BCL2: variants seen among roughly 807,000 people sequenced by gnomAD.
BCL2 encodes the protein apoptosis regulator Bcl-2.
Under a neutral mutation model 14.2 loss-of-function variants are expected in BCL2, and 1 was observed. That is an observed-to-expected ratio of 0.07 (90% confidence interval 0.02 to 0.33). The LOEUF (loss-of-function observed/expected upper bound fraction) is 0.33. Among genes scored for constraint, BCL2 ranks in the 10% least tolerant of loss-of-function variants. The pLI is 0.99. For synonymous variants in BCL2, 151 were observed against 137.2 expected (o/e 1.10, Z -0.70); for missense variants, 247 against 305.9 (o/e 0.81, Z 1.44).
At chr18:63,211,796 G>A (rs1910013768) in intron 2 of BCL2, among the ~76,000 whole-genome samples, 1 of 152,226 alleles carries the variant, frequency 6.6e-6, no homozygotes. Flanking sequence ...GTGCAGAGGA[G>A]CCATGCCACG....
intron 2 of BCL2, among the ~76,000 whole-genome samples, chr18:63,168,187 C>G (rs1245746326): frequency 2.0e-5 from 3 of 152,170 alleles, no homozygotes; most frequent in Non-Finnish European, 2.9e-5. Flanking sequence ...CCATCCATTG[C>G]CAATGTACCA....
chr18:63,306,119 A>C (rs754415760), intron 2 of BCL2, among the ~76,000 whole-genome samples: 5 of 152,174 alleles, frequency 3.3e-5, no homozygotes, highest in Admixed American at 6.5e-5. Context: ...ACAAAAAAGC[A>C]TTTATATATA....
intron 2 of BCL2, among the ~76,000 whole-genome samples, chr18:63,198,962 CACACACTG>C (rs1394927560): frequency 6.0e-3 from 14 of 2,330 alleles, no homozygotes; most frequent in East Asian, 0.053. Context: ...CACACACAGA[CACACACTG>C]ACACACAGAC....
At chr18:63,274,695 A>G (rs1568254483) in intron 2 of BCL2, among the ~76,000 whole-genome samples, 1 of 152,172 alleles carries the variant, frequency 6.6e-6, no homozygotes, top group African/African-American at 2.4e-5. Context: ...CTGCAGGGCA[A>G]CAAGCTTTCC....
chr18:63,280,254 T>C (rs562237973), intron 2 of BCL2, among the ~76,000 whole-genome samples: 1 of 152,332 alleles, frequency 6.6e-6, no homozygotes, highest in South Asian at 2.1e-4. Context: ...ACTAATTGTA[T>C]GACCTTGAAT....
At chr18:63,241,277 T>C (rs749982039) in intron 2 of BCL2, among the ~76,000 whole-genome samples, 1 of 152,178 alleles carries the variant, frequency 6.6e-6, no homozygotes, top group South Asian at 2.1e-4. Context: ...GCAGAAAACA[T>C]AAATGTTAAA....
intron 2 of BCL2, among the ~76,000 whole-genome samples, chr18:63,231,233 A>G (rs1910679188): frequency 6.6e-6 from 1 of 152,004 alleles, no homozygotes; most frequent in Non-Finnish European, 1.5e-5. Flanking sequence ...CAACAGAAAC[A>G]GAAGGAAGTT....
chr18:63,299,590 T>C (rs2850760), intron 2 of BCL2, among the ~76,000 whole-genome samples: 63,553 of 152,074 alleles, frequency 0.42, 15,732 homozygotes, highest in Non-Finnish European at 0.55. Context: ...AGGAAAGGTC[T>C]AATCAAACTC....
intron 2 of BCL2, among the ~76,000 whole-genome samples, chr18:63,158,263 G>A (rs748590325): frequency 6.6e-6 from 1 of 152,134 alleles, no homozygotes; most frequent in Non-Finnish European, 1.5e-5. Context: ...CTAACCTAGT[G>A]GTTCCTTGAG....
intron 2 of BCL2, among the ~76,000 whole-genome samples, chr18:63,240,569 A>G (rs1407993943): frequency 3.3e-5 from 5 of 152,246 alleles, no homozygotes; most frequent in African/African-American, 1.2e-4. Flanking sequence ...TTTGGATACT[A>G]CAATTTATAA....
At chr18:63,218,623 C>A (rs966116525) in intron 2 of BCL2, among the ~76,000 whole-genome samples, 2 of 55,010 alleles carry the variant, frequency 3.6e-5, no homozygotes, top group African/African-American at 6.1e-5. Flanking sequence ...TCCCCCTCCA[C>A]TCATCCCATC....
intron 2 of BCL2, among the ~76,000 whole-genome samples, chr18:63,271,817 C>T (rs1002993970): frequency 3.3e-5 from 5 of 152,192 alleles, no homozygotes; most frequent in African/African-American, 1.2e-4. Context: ...GAGGTTTATG[C>T]TTTAACAACC....
intron 2 of BCL2, among the ~76,000 whole-genome samples, chr18:63,171,104 C>G (rs1437134541): frequency 6.6e-6 from 1 of 152,120 alleles, no homozygotes; most frequent in Non-Finnish European, 1.5e-5. Flanking sequence ...TCAAAGTGAA[C>G]TTTTAAAATG....
At chr18:63,198,222 A>G (rs1909505801) in intron 2 of BCL2, among the ~76,000 whole-genome samples, 1 of 151,654 alleles carries the variant, frequency 6.6e-6, no homozygotes, top group Non-Finnish European at 1.5e-5. Flanking sequence ...ACACACAAAC[A>G]CACACAGACA....
intron 2 of BCL2, among the ~76,000 whole-genome samples, chr18:63,243,723 T>C (rs564804747): frequency 5.0e-4 from 76 of 152,268 alleles, no homozygotes; most frequent in African/African-American, 1.6e-3. Context: ...CCTCTTAGGC[T>C]GTGTTTACAG....
chr18:63,167,982 G>A (rs1330484942), intron 2 of BCL2, among the ~76,000 whole-genome samples: 1 of 152,042 alleles, frequency 6.6e-6, no homozygotes, highest in Non-Finnish European at 1.5e-5. Flanking sequence ...AGGATCACTT[G>A]AGCCCGGGAG....
At chr18:63,219,912 G>GT (rs1199530154) in intron 2 of BCL2, among the ~76,000 whole-genome samples, 1 of 152,146 alleles carries the variant, frequency 6.6e-6, no homozygotes, top group Non-Finnish European at 1.5e-5. Flanking sequence ...GGTAAAATCC[G>GT]TATGTTTCAA....
chr18:63,210,922 G>C (rs1478663274), intron 2 of BCL2, among the ~76,000 whole-genome samples: 7 of 151,976 alleles, frequency 4.6e-5, no homozygotes, highest in African/African-American at 1.7e-4. Flanking sequence ...GACTTCTCCA[G>C]CCCTTTTCTT....
intron 2 of BCL2, among the ~76,000 whole-genome samples, chr18:63,133,798 A>T (rs1025460174): frequency 6.6e-6 from 1 of 152,176 alleles, no homozygotes; most frequent in African/African-American, 2.4e-5. Context: ...AAAGGCTTTT[A>T]AAAAGCTTTT....
Sources: gnomAD v4.1 joint callset for allele counts (sites outside exome capture counted in the v4.1 genomes callset) on GRCh38, gnomAD v4.1.1 for gene constraint, MANE v1.5 for transcripts, NCBI Gene and HGNC (gene_info 2026-07-23, HGNC 2026-07-21) for gene names.